PAIP2B: variants seen among roughly 807,000 people sequenced by gnomAD.
PAIP2B encodes poly(A) binding protein interacting protein 2B.
Under a neutral mutation model 17.0 loss-of-function variants are expected in PAIP2B, and 13 were observed. The ratio of observed to expected loss-of-function variants is 0.76; its 90% CI spans 0.50 to 1.22. PAIP2B has a LOEUF of 1.22. Ranked by LOEUF, PAIP2B falls within the 50% of genes most tolerant of loss-of-function variation. PAIP2B has a pLI of 0.00. For missense variants in PAIP2B, 117 were observed against 144.5 expected, an observed-to-expected ratio of 0.81 and a Z score of 0.98; for synonymous variants, 43 against 48.7, an observed-to-expected ratio of 0.88 and a Z score of 0.48.
intron 1 of PAIP2B, among the ~76,000 whole-genome samples, chr2:71,226,166 G>A (rs986042043): frequency 1.3e-5 from 2 of 152,168 alleles, no homozygotes; most frequent in African/African-American, 4.8e-5. Flanking sequence ...GCCATTTGAA[G>A]GCAAAAACAG....
At chr2:71,192,982 G>A (rs13024529) in intron 2 of PAIP2B, among the ~76,000 whole-genome samples, 9,941 of 152,212 alleles carry the variant, frequency 0.065, 353 homozygotes, top group African/African-American at 0.088. Flanking sequence ...GGGTTGAATT[G>A]TAGTTTTAGC....
chr2:71,211,028 C>T (rs930301937), intron 1 of PAIP2B, among the ~76,000 whole-genome samples: 3 of 152,148 alleles, frequency 2.0e-5, no homozygotes, highest in African/African-American at 7.2e-5. Flanking sequence ...GGGTGAATCA[C>T]CTGAGGTCAG....
Position 71,187,222 on chromosome 2 carries a change from G to T in PAIP2B, c.*1257C>A, listed in dbSNP as rs1001087658. On this transcript the variant is annotated 3_prime_UTR_variant, in exon 4 of 4. Transcript: ENST00000244221. ...TAGTTCCTTAGGGGTAGCAACAAAAGACCCCAGCAAGTTAAAGGCAGGAAA... is the reference window on the plus strand; with the variant it reads ...TAGTTCCTTAGGGGTAGCAACAAAATACCCCAGCAAGTTAAAGGCAGGAAA... The T allele has an allele frequency of 2.0e-5, 3 of 152,206 alleles. No individual in the cohort carries two copies. The highest frequency in any genetic ancestry group is 1.3e-4 in the Admixed American group (2 of 15,264). 9.4% of individuals were successfully genotyped at this position (152,206 alleles called of 1,614,324 possible).
intron 1 of PAIP2B, among the ~76,000 whole-genome samples, chr2:71,206,644 T>C (rs1490808112): frequency 2.0e-5 from 3 of 152,236 alleles, no homozygotes; most frequent in African/African-American, 7.2e-5. Flanking sequence ...AGTTTAACAC[T>C]TTAAACACCC....
At chr2:71,212,527 C>T (rs1051335438) in intron 1 of PAIP2B, among the ~76,000 whole-genome samples, 3 of 152,182 alleles carry the variant, frequency 2.0e-5, no homozygotes. Context: ...GAGCACTCTT[C>T]GTTGAGTATG....
At chr2:71,213,311 G>A (rs1343969325) in intron 1 of PAIP2B, among the ~76,000 whole-genome samples, 1 of 152,146 alleles carries the variant, frequency 6.6e-6, no homozygotes, top group Non-Finnish European at 1.5e-5. Context: ...AGTGGGGAGA[G>A]GGGAGCCAAG....
intron 2 of PAIP2B, among the ~76,000 whole-genome samples, chr2:71,197,983 T>C (rs989361975): frequency 6.6e-6 from 1 of 152,238 alleles, no homozygotes; most frequent in African/African-American, 2.4e-5. Flanking sequence ...CTGAAATATA[T>C]CTTTCAAGTT....
intron 1 of PAIP2B, among the ~76,000 whole-genome samples, chr2:71,205,198 C>T (rs1300322918): frequency 6.6e-6 from 1 of 152,146 alleles, no homozygotes; most frequent in Non-Finnish European, 1.5e-5. Flanking sequence ...AACGCAAATA[C>T]TTCACAGAAG....
intron 2 of PAIP2B, among the ~76,000 whole-genome samples, chr2:71,200,218 A>C (rs357764): frequency 0.29 from 43,482 of 152,096 alleles, 6,500 homozygotes; most frequent in South Asian, 0.48. Flanking sequence ...CTCAAGGTAC[A>C]TGGTATGCAA....
chr2:71,221,656 T>A (rs1014412790), intron 1 of PAIP2B, among the ~76,000 whole-genome samples: 1 of 152,254 alleles, frequency 6.6e-6, no homozygotes, highest in Non-Finnish European at 1.5e-5. Flanking sequence ...AGTATTTGAA[T>A]TGGACAAAAG....
At chr2:71,224,418 TAC>T (rs1675669859) in intron 1 of PAIP2B, among the ~76,000 whole-genome samples, 1 of 152,214 alleles carries the variant, frequency 6.6e-6, no homozygotes, top group Non-Finnish European at 1.5e-5. Context: ...AGAATATAAC[TAC>T]TGCAAATAAT....
At chr2:71,209,791 T>G (rs2013722) in intron 1 of PAIP2B, among the ~76,000 whole-genome samples, 133,027 of 152,176 alleles carry the variant, frequency 0.87, 58,295 homozygotes, top group African/African-American at 0.92. Flanking sequence ...AGCAATACAA[T>G]AAATAATTTT....
chr2:71,214,961 TA>T lies in PAIP2B; in HGVS notation c.-12+11966del, dbSNP rs76852325. Among the ~76,000 whole-genome samples, 198 of 152,022 alleles carry T rather than the reference TA, an allele frequency of 1.3e-3. 3 individuals are homozygous for T. The East Asian group carries it at 0.036, about 27-fold the overall frequency. On this transcript the variant is annotated intron_variant, in intron 1 of 3. Transcript: ENST00000244221. ...TTGAGGACAATATAGGATTCCAAAT[TA>T]AAAAACATACAAAGATGGTAAAAAC...
chr2:71,200,789 A>T (rs1453593406), intron 2 of PAIP2B, among the ~76,000 whole-genome samples: 4 of 152,018 alleles, frequency 2.6e-5, no homozygotes, highest in Non-Finnish European at 5.9e-5. Flanking sequence ...AAAAACCCAA[A>T]ATTATGTTGC....
intron 1 of PAIP2B, among the ~76,000 whole-genome samples, chr2:71,218,722 C>T (rs6723735): frequency 0.043 from 6,519 of 152,070 alleles, 183 homozygotes; most frequent in African/African-American, 0.068. Flanking sequence ...CAATGATTCA[C>T]TTAATATATA....
At chr2:71,207,277 TACTAGCAA>T (rs992830005) in intron 1 of PAIP2B, among the ~76,000 whole-genome samples, 5 of 152,124 alleles carry the variant, frequency 3.3e-5, no homozygotes, top group African/African-American at 1.2e-4. Flanking sequence ...AATGTAAGCT[TACTAGCAA>T]TAGGGAGGAG....
chr2:71,225,388 A>G (rs1444615073), intron 1 of PAIP2B, among the ~76,000 whole-genome samples: 1 of 152,238 alleles, frequency 6.6e-6, no homozygotes, highest in East Asian at 1.9e-4. Context: ...AATTTTTTCC[A>G]CAAAAGCTTG....
chr2:71,218,808 G>T (rs1675499918), intron 1 of PAIP2B, among the ~76,000 whole-genome samples: 4 of 151,798 alleles, frequency 2.6e-5, no homozygotes, highest in Non-Finnish European at 2.9e-5. Flanking sequence ...TGTGACAAAA[G>T]ACTATATTTT....
At chr2:71,204,734 A>G (rs1675080095) in intron 1 of PAIP2B, among the ~76,000 whole-genome samples, 1 of 152,092 alleles carries the variant, frequency 6.6e-6, no homozygotes, top group African/African-American at 2.4e-5. Flanking sequence ...TATTTTTACC[A>G]CTTCCATCTG....
Sources: gnomAD v4.1 joint callset for allele counts (sites outside exome capture counted in the v4.1 genomes callset) on GRCh38, gnomAD v4.1.1 for gene constraint, MANE v1.5 for transcripts, NCBI Gene and HGNC (gene_info 2026-07-23, HGNC 2026-07-21) for gene names.